Variants in NFIL3 observed in about 807,000 individuals in gnomAD.
NFIL3 encodes the protein nuclear factor, interleukin 3 regulated, also known as nuclear factor interleukin-3-regulated protein.
In NFIL3, 5 loss-of-function variants were observed where a neutral mutation model predicts 10.0. That is an observed-to-expected ratio of 0.50 (90% CI 0.26 to 1.06). The LOEUF (loss-of-function observed/expected upper bound fraction) is 1.06. NFIL3 is among the 50% of genes least tolerant of loss of function. The pLI, the probability that NFIL3 is intolerant of heterozygous loss-of-function variation, is 0.13. For synonymous variants in NFIL3, 202 were observed against 206.5 expected (o/e 0.98, Z 0.19); for missense variants, 436 against 547.6 (o/e 0.80, Z 2.03).
the NFIL3 span, among the ~76,000 whole-genome samples, chr9:91,473,648 T>C: frequency 6.6e-6 from 1 of 152,348 alleles, no homozygotes; most frequent in South Asian, 2.1e-4. Context: ...GAATTCCCCC[T>C]GACTCCTTGT....
rs1231346056 is a variant in NFIL3, at chr9:91,409,226, C to T, written c.*120G>A. Reference sequence around the variant, plus strand: ...GCACAAAAAGACACCAAACAGACAACATGTGCACATCACAGTGAAATGACA... The same window carrying T: ...GCACAAAAAGACACCAAACAGACAATATGTGCACATCACAGTGAAATGACA... On this transcript the variant is annotated 3_prime_UTR_variant, in exon 2 of 2. Coordinates refer to ENST00000297689, the MANE Select transcript of NFIL3 (RefSeq NM_005384.3). 1 of 910,410 alleles carries T rather than the reference C, an allele frequency of 1.1e-6. No individual in the cohort carries two copies. Among genetic ancestry groups the T allele is most frequent in the Non-Finnish European group, 1.6e-6 (1 of 611,084 alleles). 56.4% of individuals were successfully genotyped at this position (910,410 alleles called of 1,614,324 possible).
intron 1 of NFIL3, among the ~76,000 whole-genome samples, chr9:91,414,538 C>T (rs926688781): frequency 6.6e-6 from 1 of 152,182 alleles, no homozygotes; most frequent in Non-Finnish European, 1.5e-5. Context: ...GGATTACAGG[C>T]GTGAGCCACC....
the NFIL3 span, among the ~76,000 whole-genome samples, chr9:91,474,923 TA>T: frequency 1.3e-5 from 2 of 152,188 alleles, no homozygotes; most frequent in Non-Finnish European, 2.9e-5. Flanking sequence ...GCCTATATAT[TA>T]AATGGCAGAA....
the NFIL3 span, among the ~76,000 whole-genome samples, chr9:91,463,375 G>T: frequency 1.3e-5 from 2 of 151,260 alleles, no homozygotes; most frequent in African/African-American, 4.8e-5. Flanking sequence ...CACAACTGTT[G>T]ATAGGTTGTA....
chr9:91,443,386 G>T, the NFIL3 span, among the ~76,000 whole-genome samples: 32 of 152,244 alleles, frequency 2.1e-4, no homozygotes, highest in Admixed American at 2.1e-3. Context: ...CTGCCCAGAA[G>T]CCTGTATGCC....
the NFIL3 span, among the ~76,000 whole-genome samples, chr9:91,482,516 TG>T: frequency 6.6e-6 from 1 of 152,034 alleles, no homozygotes; most frequent in East Asian, 1.9e-4. Context: ...AATTTTTTTT[TG>T]GGACAGAGTT....
At chr9:91,476,243 TA>T in the NFIL3 span, among the ~76,000 whole-genome samples, 1 of 152,172 alleles carries the variant, frequency 6.6e-6, no homozygotes, top group African/African-American at 2.4e-5. Context: ...ACATCCTATG[TA>T]AAATGATGCA....
At chr9:91,483,230 G>A in the NFIL3 span, among the ~76,000 whole-genome samples, 10 of 152,046 alleles carry the variant, frequency 6.6e-5, no homozygotes, top group Admixed American at 2.6e-4. Context: ...TGTCCCTCCC[G>A]TCCTATGTTT....
chr9:91,439,888 T>C, the NFIL3 span, among the ~76,000 whole-genome samples: 1 of 152,160 alleles, frequency 6.6e-6, no homozygotes, highest in Admixed American at 6.5e-5. Flanking sequence ...GTACAGTCTT[T>C]TTGGTGTGTT....
chr9:91,409,211 A>G lies in NFIL3; in HGVS notation c.*135T>C. 1 of 802,808 alleles carries G rather than the reference A, an allele frequency of 1.2e-6. No individual in the cohort carries two copies. Among genetic ancestry groups the G allele is most frequent in the Non-Finnish European group, 1.9e-6 (1 of 522,052 alleles). 49.7% of individuals were successfully genotyped at this position (802,808 alleles called of 1,614,324 possible). Reference sequence around the variant, plus strand: ...TTCATCATAATCTGTGCACAAAAAGACACCAAACAGACAACATGTGCACAT... The same window carrying G: ...TTCATCATAATCTGTGCACAAAAAGGCACCAAACAGACAACATGTGCACAT... On this transcript the variant is annotated 3_prime_UTR_variant, in exon 2 of 2. Coordinates refer to ENST00000297689, the MANE Select transcript of NFIL3 (RefSeq NM_005384.3).
the NFIL3 span, among the ~76,000 whole-genome samples, chr9:91,439,570 T>A: frequency 0.13 from 20,309 of 152,176 alleles, 1,508 homozygotes; most frequent in East Asian, 0.34. Context: ...TGGAGAGTTG[T>A]CATCCTTGCC....
chr9:91,424,909 A>C (rs1383546566), upstream of NFIL3, among the ~76,000 whole-genome samples: 1 of 152,212 alleles, frequency 6.6e-6, no homozygotes, highest in Admixed American at 6.5e-5. Flanking sequence ...CGGGCTACGG[A>C]AGAGACGTAA....
At chr9:91,465,837 C>T in the NFIL3 span, among the ~76,000 whole-genome samples, 1 of 152,038 alleles carries the variant, frequency 6.6e-6, no homozygotes, top group African/African-American at 2.4e-5. Flanking sequence ...CTTCTAATGT[C>T]CTTGTTTTCT....
rs1433427712 is a variant in NFIL3 at position 91,418,408 on chromosome 9, A to G, written c.-173+5232T>C. ...AAATTCCCCAATGAATAAGTAATAC[A>G]TGCAACATGGTGTAATGATGGCAAA... On this transcript the variant is annotated intron_variant, in intron 1 of 1. Coordinates refer to ENST00000297689, the MANE Select transcript of NFIL3 (RefSeq NM_005384.3). Among the ~76,000 whole-genome samples the G allele has an allele frequency of 2.6e-5, 4 of 152,376 alleles. No homozygotes were observed. The South Asian group carries it at 8.3e-4, about 32-fold the overall frequency.
the NFIL3 span, among the ~76,000 whole-genome samples, chr9:91,446,958 G>A: frequency 6.6e-5 from 10 of 152,120 alleles, no homozygotes; most frequent in African/African-American, 2.4e-4. Flanking sequence ...TTGGATTACA[G>A]GTCCGCACCA....
chr9:91,429,040 C>A, the NFIL3 span, among the ~76,000 whole-genome samples: 1 of 152,276 alleles, frequency 6.6e-6, no homozygotes, highest in East Asian at 1.9e-4. Context: ...ACACAGCTAG[C>A]AGGGCTATGA....
the NFIL3 span, among the ~76,000 whole-genome samples, chr9:91,445,976 AAC>A: frequency 0.059 from 8,924 of 152,190 alleles, 329 homozygotes; most frequent in East Asian, 0.17. Flanking sequence ...CCTGGAGCAG[AAC>A]ACAGTCTGGC....
At chr9:91,471,444 A>C in the NFIL3 span, among the ~76,000 whole-genome samples, 1 of 146,768 alleles carries the variant, frequency 6.8e-6, no homozygotes, top group Admixed American at 6.8e-5. Context: ...AATACAGCAC[A>C]CTGATGGGTC....
chr9:91,418,907 T>C lies in NFIL3; in HGVS notation c.-173+4733A>G, dbSNP rs188296093. On this transcript the variant is annotated intron_variant, in intron 1 of 1. Coordinates refer to ENST00000297689, the MANE Select transcript of NFIL3 (RefSeq NM_005384.3). ...GTTACTTACAAAGAAATGTGAAAGA[T>C]AACTGGGGTAGTAGTAATAAAAATT... 3.3e-5 allele frequency among the ~76,000 whole-genome samples: 5 copies of C among 151,810 alleles called. No homozygotes were observed. In the East Asian group the frequency reaches 7.7e-4, roughly 23 times the overall value.
Sources: gnomAD v4.1 joint callset for allele counts (sites outside exome capture counted in the v4.1 genomes callset) on GRCh38, gnomAD v4.1.1 for gene constraint, MANE v1.5 for transcripts, NCBI Gene and HGNC (gene_info 2026-07-23, HGNC 2026-07-21) for gene names.